The following NKAIN2 variants were observed in gnomAD, a reference collection of about 807,000 sequenced individuals.
NKAIN2 encodes sodium/potassium transporting ATPase interacting 2, also known as sodium/potassium-transporting ATPase subunit beta-1-interacting protein 2.
NKAIN2 carries 14 observed loss-of-function variants against 32.6 expected under a neutral mutation model. The ratio of observed to expected loss-of-function variants is 0.43; its 90% CI spans 0.28 to 0.67. The LOEUF is 0.67. NKAIN2 is among the 30% of genes least tolerant of loss of function. The pLI is 0.17. For synonymous variants in NKAIN2, 80 were observed against 87.2 expected, an observed-to-expected ratio of 0.92 and a Z score of 0.46; for missense variants, 198 against 258.3, an observed-to-expected ratio of 0.77 and a Z score of 1.60.
chr6:124,434,932 T>C (rs1449087344), intron 3 of NKAIN2, among the ~76,000 whole-genome samples: 3 of 152,198 alleles, frequency 2.0e-5, no homozygotes, highest in Non-Finnish European at 2.9e-5. Context: ...CTTATTATTT[T>C]ACTCATTCAA....
chr6:123,859,961 G>A (rs929260112), intron 1 of NKAIN2, among the ~76,000 whole-genome samples: 3 of 152,164 alleles, frequency 2.0e-5, no homozygotes, highest in African/African-American at 7.2e-5. Flanking sequence ...AAAGTGCTGG[G>A]ATTACAGTCG....
intron 1 of NKAIN2, among the ~76,000 whole-genome samples, chr6:123,917,652 TC>T (rs1775563062): frequency 2.0e-5 from 3 of 152,170 alleles, no homozygotes; most frequent in African/African-American, 4.8e-5. Flanking sequence ...CTTTTCTACA[TC>T]CCTTCCTATG....
intron 1 of NKAIN2, among the ~76,000 whole-genome samples, chr6:124,143,858 T>C (rs973634792): frequency 5.9e-5 from 9 of 152,294 alleles, no homozygotes; most frequent in African/African-American, 2.2e-4. Context: ...AGTATAAAAC[T>C]GTTAATGGTT....
chr6:124,118,321 C>G (rs991563036), intron 1 of NKAIN2, among the ~76,000 whole-genome samples: 1 of 152,020 alleles, frequency 6.6e-6, no homozygotes, highest in Non-Finnish European at 1.5e-5. Flanking sequence ...CACTAGGAAA[C>G]TCAAATGAAG....
intron 3 of NKAIN2, among the ~76,000 whole-genome samples, chr6:124,435,886 A>C (rs332622): frequency 6.6e-6 from 1 of 152,046 alleles, no homozygotes; most frequent in African/African-American, 2.4e-5. Flanking sequence ...TTGGAAATCT[A>C]TTCTTCAGAA....
At chr6:123,850,450 A>G (rs572608067) in intron 1 of NKAIN2, among the ~76,000 whole-genome samples, 1 of 152,124 alleles carries the variant, frequency 6.6e-6, no homozygotes, top group Non-Finnish European at 1.5e-5. Context: ...TGTTATCAAC[A>G]AAGAGAAGCA....
chr6:124,602,813 T>C (rs369451251), intron 3 of NKAIN2, among the ~76,000 whole-genome samples: 4 of 152,090 alleles, frequency 2.6e-5, no homozygotes, highest in African/African-American at 2.4e-5. Context: ...TGTAGAACTT[T>C]CGTTTTCCAC....
At chr6:124,066,730 G>C (rs1206176606) in intron 1 of NKAIN2, among the ~76,000 whole-genome samples, 1 of 152,066 alleles carries the variant, frequency 6.6e-6, no homozygotes, top group Non-Finnish European at 1.5e-5. Flanking sequence ...ATTTAGAATA[G>C]GCTTCCTTTT....
At chr6:124,775,292 C>T (rs185324569) in intron 4 of NKAIN2, among the ~76,000 whole-genome samples, 99 of 152,180 alleles carry the variant, frequency 6.5e-4, no homozygotes, top group Admixed American at 4.3e-3. Context: ...TTTAGGAGGC[C>T]GATTGGGCCA....
intron 1 of NKAIN2, among the ~76,000 whole-genome samples, chr6:123,930,039 T>G (rs1245858809): frequency 6.6e-6 from 1 of 152,108 alleles, no homozygotes; most frequent in Non-Finnish European, 1.5e-5. Context: ...CCAAGACCAA[T>G]GTACAACTCT....
intron 3 of NKAIN2, among the ~76,000 whole-genome samples, chr6:124,381,231 TTTCTAATCAA>T (rs1772620028): frequency 6.6e-6 from 1 of 151,826 alleles, no homozygotes; most frequent in Non-Finnish European, 1.5e-5. Context: ...TATGTAGTTT[TTTCTAATCAA>T]GTGCATTACT....
intron 3 of NKAIN2, among the ~76,000 whole-genome samples, chr6:124,533,688 G>A (rs971212808): frequency 6.6e-6 from 1 of 152,104 alleles, no homozygotes; most frequent in Non-Finnish European, 1.5e-5. Flanking sequence ...TCAGCATACA[G>A]ATGTTCATTC....
chr6:123,849,502 G>C (rs1775226900), intron 1 of NKAIN2, among the ~76,000 whole-genome samples: 1 of 152,172 alleles, frequency 6.6e-6, no homozygotes, highest in South Asian at 2.1e-4. Flanking sequence ...GGGGGATAGA[G>C]TCTTTGTACG....
intron 3 of NKAIN2, among the ~76,000 whole-genome samples, chr6:124,424,560 A>G (rs184434304): frequency 1.7e-3 from 254 of 151,796 alleles, no homozygotes; most frequent in African/African-American, 5.8e-3. Context: ...CATTTTCCTC[A>G]CTCCAACCCC....
chr6:124,692,529 C>G (rs1019176793), intron 4 of NKAIN2, among the ~76,000 whole-genome samples: 1 of 151,964 alleles, frequency 6.6e-6, no homozygotes, highest in Admixed American at 6.6e-5. Context: ...AATTACGTAA[C>G]ATGAGGGCCG....
In NKAIN2 at chr6:124,204,092, C is replaced by T. The variant is rs1237315212; in HGVS notation, c.55-78913C>T. Among the ~76,000 whole-genome samples the T allele has an allele frequency of 3.3e-5, 5 of 151,822 alleles. No individual in the cohort carries two copies. The Admixed American group carries it at 3.3e-4, about 10-fold the overall frequency. On this transcript the variant is annotated intron_variant, in intron 1 of 6. Coordinates refer to ENST00000368417, the MANE Select transcript of NKAIN2 (RefSeq NM_001040214.3). Reference sequence around the variant, plus strand: ...GTGTTTTACTTTTTGGGCCAGCATCCTTATCCTGCTGCTCTTATTACACCT... The same window carrying T: ...GTGTTTTACTTTTTGGGCCAGCATCTTTATCCTGCTGCTCTTATTACACCT...
At chr6:124,367,233 T>C (rs914201224) in intron 3 of NKAIN2, among the ~76,000 whole-genome samples, 5 of 150,674 alleles carry the variant, frequency 3.3e-5, no homozygotes, top group Non-Finnish European at 7.3e-5. Context: ...ATATTCTAAT[T>C]ATATGTTTCC....
chr6:124,259,643 G>A (rs899097452), intron 1 of NKAIN2, among the ~76,000 whole-genome samples: 2 of 152,106 alleles, frequency 1.3e-5, no homozygotes, highest in African/African-American at 4.8e-5. Context: ...AAGAACACAG[G>A]GAAAAACAGA....
rs551824724 is a variant in NKAIN2, at chr6:124,023,947, T to A, written c.54+219693T>A. Among the ~76,000 whole-genome samples the A allele has an allele frequency of 2.4e-4, 37 of 152,160 alleles. No homozygotes were observed. The South Asian group carries it at 7.1e-3, about 29-fold the overall frequency. ...AAAAGATAGGATTGATATAGAAAAA[T>A]CGTCTAAGATTTATGTTTAGGGATG... On this transcript the variant is annotated intron_variant, in intron 1 of 6. Transcript: ENST00000368417.
Sources: allele counts gnomAD v4.1 joint callset (sites outside exome capture counted in the v4.1 genomes callset), GRCh38; gene constraint gnomAD v4.1.1; transcripts MANE v1.5; gene names NCBI Gene and HGNC (gene_info 2026-07-23, HGNC 2026-07-21).